PACRG: variants seen among roughly 807,000 people sequenced by gnomAD.
The protein encoded by PACRG is parkin coregulated gene protein.
A neutral mutation model predicts 29.7 loss-of-function variants in PACRG; 29 were observed. The ratio of observed to expected loss-of-function variants is 0.98; its 90% CI spans 0.73 to 1.33. PACRG has a LOEUF of 1.33. PACRG is among the 40% of genes most tolerant of loss of function. The probability of loss-of-function intolerance (pLI) is 0.00; values close to 1 mark genes in which losing one functional copy is unlikely to be tolerated. For synonymous variants in PACRG, 116 were observed against 118.7 expected (o/e 0.98, Z 0.15); for missense variants, 279 against 316.2 (o/e 0.88, Z 0.89).
At chr6:162,843,598 CGTCAAA>C (rs1562653768) in intron 2 of PACRG, among the ~76,000 whole-genome samples, 1 of 128,562 alleles carries the variant, frequency 7.8e-6, no homozygotes, top group African/African-American at 2.9e-5. Context: ...TCTCTCAGCT[CGTCAAA>C]GTCATTCTCC....
chr6:162,790,421 C>G (rs1446750262), intron 1 of PACRG, among the ~76,000 whole-genome samples: 1 of 152,006 alleles, frequency 6.6e-6, no homozygotes, highest in African/African-American at 2.4e-5. Flanking sequence ...GATCCAGGTT[C>G]AAAAATCTTA....
At chr6:162,799,240 G>T (rs1401542589) in intron 1 of PACRG, among the ~76,000 whole-genome samples, 1 of 152,164 alleles carries the variant, frequency 6.6e-6, no homozygotes, top group African/African-American at 2.4e-5. Flanking sequence ...AAATGTAAAT[G>T]AAAATAAAAA....
At chr6:163,009,170 A>T (rs1805395422) in intron 2 of PACRG, among the ~76,000 whole-genome samples, 1 of 152,236 alleles carries the variant, frequency 6.6e-6, no homozygotes. Context: ...AATCCAGATA[A>T]CTGGCAAAAT....
intron 3 of PACRG, among the ~76,000 whole-genome samples, chr6:163,071,514 C>A (rs1812049706): frequency 6.6e-6 from 1 of 151,726 alleles, no homozygotes; most frequent in South Asian, 2.1e-4. Context: ...ACACAACATG[C>A]AGCAGAAACA....
chr6:162,742,275 A>T (rs1408350921), intron 1 of PACRG, among the ~76,000 whole-genome samples: 1 of 152,190 alleles, frequency 6.6e-6, no homozygotes, highest in African/African-American at 2.4e-5. Flanking sequence ...CGTGGTAGTG[A>T]ATAAGTCTCA....
intron 4 of PACRG, among the ~76,000 whole-genome samples, chr6:163,109,958 T>C (rs957884672): frequency 3.6e-5 from 5 of 138,212 alleles, no homozygotes; most frequent in Non-Finnish European, 6.0e-5. Flanking sequence ...AATCACAAGA[T>C]AGAGCTTGAC....
intron 1 of PACRG, among the ~76,000 whole-genome samples, chr6:162,803,562 T>C (rs1786061861): frequency 6.6e-6 from 1 of 152,056 alleles, no homozygotes; most frequent in Non-Finnish European, 1.5e-5. Context: ...TACACAAAAT[T>C]TAAAACTTTT....
chr6:162,923,055 T>C (rs1426843269), intron 2 of PACRG, among the ~76,000 whole-genome samples: 1 of 152,194 alleles, frequency 6.6e-6, no homozygotes, highest in Non-Finnish European at 1.5e-5. Context: ...TTTTTACTTA[T>C]TGATGATAGA....
At chr6:163,179,204 C>A (rs1485707498) in intron 4 of PACRG, 1 of 455,946 alleles carries the variant, frequency 2.2e-6, no homozygotes, top group East Asian at 7.0e-5. Flanking sequence ...ACATGTGCGT[C>A]TTATCTTGGA....
intron 2 of PACRG, among the ~76,000 whole-genome samples, chr6:162,903,713 C>T (rs1267074520): frequency 6.6e-6 from 1 of 152,126 alleles, no homozygotes; most frequent in African/African-American, 2.4e-5. Context: ...ACAGCCAAAC[C>T]GTATCAGGGA....
At chr6:162,915,946 GCA>G (rs966541725) in intron 2 of PACRG, among the ~76,000 whole-genome samples, 2 of 152,088 alleles carry the variant, frequency 1.3e-5, no homozygotes, top group African/African-American at 2.4e-5. Flanking sequence ...TAAGAGGAAA[GCA>G]CAGTTTTTAC....
chr6:163,111,321 A>G (rs1437061515), intron 4 of PACRG, among the ~76,000 whole-genome samples: 3 of 152,222 alleles, frequency 2.0e-5, no homozygotes, highest in African/African-American at 7.2e-5. Context: ...TGAGATTTCC[A>G]TACCAGAGGG....
intron 2 of PACRG, among the ~76,000 whole-genome samples, chr6:162,944,921 C>T (rs1261227424): frequency 6.6e-6 from 1 of 151,632 alleles, no homozygotes; most frequent in African/African-American, 2.4e-5. Flanking sequence ...CTTATTTAGC[C>T]AAATAATAGC....
intron 2 of PACRG, among the ~76,000 whole-genome samples, chr6:162,960,468 G>A (rs1278090021): frequency 2.0e-5 from 3 of 152,182 alleles, no homozygotes; most frequent in African/African-American, 4.8e-5. Flanking sequence ...CATGGATGCA[G>A]CTGGAGGCCA....
chr6:163,164,183 T>A (rs933678900), intron 4 of PACRG, among the ~76,000 whole-genome samples: 1 of 152,124 alleles, frequency 6.6e-6, no homozygotes, highest in Non-Finnish European at 1.5e-5. Context: ...GAGGAAAAAA[T>A]TAGGTCACAA....
At chr6:163,095,191 C>A in intron 4 of PACRG, 1 of 915,108 alleles carries the variant, frequency 1.1e-6, no homozygotes, top group Non-Finnish European at 1.3e-6. Context: ...CCTACACATG[C>A]TTATGAGGTT....
At chr6:163,001,501 T>C (rs1804587896) in intron 2 of PACRG, among the ~76,000 whole-genome samples, 1 of 152,150 alleles carries the variant, frequency 6.6e-6, no homozygotes, top group African/African-American at 2.4e-5. Flanking sequence ...TTGAAAGCCT[T>C]CAGGCCAAAT....
intron 2 of PACRG, among the ~76,000 whole-genome samples, chr6:162,925,343 C>G (rs1797356550): frequency 6.6e-6 from 1 of 152,086 alleles, no homozygotes; most frequent in African/African-American, 2.4e-5. Context: ...ACATAAAACC[C>G]TGGCAGAGAC....
intron 2 of PACRG, among the ~76,000 whole-genome samples, chr6:162,974,165 TCA>T (rs112822431): frequency 0.015 from 2,298 of 152,274 alleles, 57 homozygotes; most frequent in African/African-American, 0.05. Flanking sequence ...CTCAAGTATT[TCA>T]GTTTCAACAC....
Sources: allele counts gnomAD v4.1 joint callset (sites outside exome capture counted in the v4.1 genomes callset), GRCh38; gene constraint gnomAD v4.1.1; transcripts MANE v1.5; gene names NCBI Gene and HGNC (gene_info 2026-07-23, HGNC 2026-07-21).